Variants in SNX29 observed in about 807,000 individuals in gnomAD.
SNX29 encodes the protein sorting nexin-29.
SNX29 carries 78 observed loss-of-function variants against 102.1 expected under a neutral mutation model. The observed-to-expected ratio is 0.76, with a 90% CI of 0.64 to 0.92. The LOEUF is 0.92. SNX29 is among the 40% of genes least tolerant of loss of function. SNX29 has a pLI of 0.00. For missense variants in SNX29, 1,280 were observed against 1,061.7 expected (o/e 1.21, Z -2.86); for synonymous variants, 580 against 414.5 (o/e 1.40, Z -4.85).
intron 19 of SNX29, among the ~76,000 whole-genome samples, chr16:12,512,613 A>T (rs146112722): frequency 0.012 from 1,755 of 147,574 alleles, 39 homozygotes; most frequent in African/African-American, 0.04. Flanking sequence ...GCAGTACTCG[A>T]GGGAGACGAG....
At chr16:12,062,273 C>A (rs1476937030) in intron 9 of SNX29, among the ~76,000 whole-genome samples, 2 of 151,154 alleles carry the variant, frequency 1.3e-5, no homozygotes, top group East Asian at 3.9e-4. Context: ...CAGCTACTCA[C>A]GAGGCTGAGG....
intron 15 of SNX29, among the ~76,000 whole-genome samples, chr16:12,333,590 C>T (rs1001348153): frequency 1.3e-5 from 2 of 152,086 alleles, no homozygotes; most frequent in South Asian, 2.1e-4. Context: ...CTGTGATGGG[C>T]CTGGTGCTGT....
At chr16:12,309,693 C>T (rs531877915) in intron 15 of SNX29, among the ~76,000 whole-genome samples, 1 of 152,150 alleles carries the variant, frequency 6.6e-6, no homozygotes, top group Non-Finnish European at 1.5e-5. Flanking sequence ...GGTTCTCACT[C>T]GTTACTTGAA....
Position 12,572,914 on chromosome 16 carries a change from C to T in SNX29, c.*4285C>T. Reference sequence around the variant, plus strand: ...GCATTTCGCTCGGAATCACGGCAGACTTGGAGTGTTTCTTCAAGGCAGGCA... The same window carrying T: ...GCATTTCGCTCGGAATCACGGCAGATTTGGAGTGTTTCTTCAAGGCAGGCA... On this transcript the variant is annotated 3_prime_UTR_variant, in exon 21 of 21. Coordinates refer to ENST00000566228, the MANE Select transcript of SNX29 (RefSeq NM_032167.5). 6.1e-6 allele frequency: 6 copies of T among 988,426 alleles called. No homozygotes were observed. Among genetic ancestry groups the T allele is most frequent in the Non-Finnish European group, 7.4e-6 (6 of 810,004 alleles). The allele number at this position is 988,426 out of a possible 1,614,324, so 61.2% of individuals were successfully genotyped here. A position where few individuals can be genotyped will look rare whatever the true frequency, so the allele number is the denominator to read the frequency against.
intron 20 of SNX29, among the ~76,000 whole-genome samples, chr16:12,526,176 TAA>T (rs2076778134): frequency 1.3e-5 from 2 of 152,216 alleles, no homozygotes; most frequent in Non-Finnish European, 2.9e-5. Context: ...TGGGGTAATA[TAA>T]GAGTTTCCTG....
chr16:12,212,438 C>G (rs987553045), intron 14 of SNX29, among the ~76,000 whole-genome samples: 1 of 152,072 alleles, frequency 6.6e-6, no homozygotes, highest in African/African-American at 2.4e-5. Context: ...GGAAGAGGAG[C>G]CTGGGGAAGT....
At chr16:12,051,117 C>T (rs997441145) in intron 7 of SNX29, among the ~76,000 whole-genome samples, 2 of 152,104 alleles carry the variant, frequency 1.3e-5, no homozygotes, top group East Asian at 3.9e-4. Flanking sequence ...TGCTTGAGGC[C>T]AGGAGTTTTG....
intron 20 of SNX29, among the ~76,000 whole-genome samples, chr16:12,562,135 G>A (rs1567206597): frequency 6.6e-6 from 1 of 152,114 alleles, no homozygotes; most frequent in East Asian, 1.9e-4. Context: ...CCCCAAAATG[G>A]CTCTGGCAAT....
At position 11,980,619 on chromosome 16, in the gene SNX29, G is replaced by A. The variant is rs530417839; in HGVS notation, c.7+3806G>A. On this transcript the variant is annotated intron_variant, in intron 1 of 20. Transcript: ENST00000566228. ...TTCTAAAGTGGCTGCACCATTTTCA[G>A]TTCTCACCAGCAGCATATGAGGGTT... 2.1e-3 allele frequency among the ~76,000 whole-genome samples: 317 copies of A among 152,270 alleles called. 3 individuals are homozygous for A. The highest frequency in any genetic ancestry group is 7.4e-3 in the African/African-American group (309 of 41,538).
At chr16:12,040,406 T>C (rs2049831839) in intron 4 of SNX29, among the ~76,000 whole-genome samples, 1 of 152,176 alleles carries the variant, frequency 6.6e-6, no homozygotes, top group Admixed American at 6.5e-5. Context: ...ATATAACAAA[T>C]TTTAAAAATC....
chr16:12,549,091 C>T (rs894242501), intron 20 of SNX29, among the ~76,000 whole-genome samples: 1 of 152,202 alleles, frequency 6.6e-6, no homozygotes, highest in Non-Finnish European at 1.5e-5. Context: ...CTCCCTGTTA[C>T]AGTGTCATTT....
At chr16:12,218,244 A>G (rs2077377132) in intron 14 of SNX29, among the ~76,000 whole-genome samples, 1 of 152,266 alleles carries the variant, frequency 6.6e-6, no homozygotes, top group Non-Finnish European at 1.5e-5. Flanking sequence ...CAAGTCTAGC[A>G]GTGCAGAGGT....
intron 14 of SNX29, among the ~76,000 whole-genome samples, chr16:12,261,137 C>CT (rs2078740502): frequency 1.4e-5 from 1 of 73,750 alleles, no homozygotes; most frequent in Admixed American, 1.5e-4. Flanking sequence ...GTGAGTGGTT[C>CT]CTGAGCTCCA....
chr16:12,190,065 G>C (rs530116670), intron 13 of SNX29, among the ~76,000 whole-genome samples: 71 of 152,278 alleles, frequency 4.7e-4, no homozygotes, highest in African/African-American at 1.3e-3. Flanking sequence ...ACTAATCTCT[G>C]ATAGCTTTGG....
chr16:12,419,049 A>G (rs1189269977), intron 18 of SNX29, among the ~76,000 whole-genome samples: 1 of 152,160 alleles, frequency 6.6e-6, no homozygotes, highest in Non-Finnish European at 1.5e-5. Context: ...AGTGCACAGG[A>G]CATCCCTCCA....
intron 15 of SNX29, among the ~76,000 whole-genome samples, chr16:12,292,378 GT>G (rs2151067179): frequency 6.6e-6 from 1 of 152,326 alleles, no homozygotes; most frequent in Admixed American, 6.5e-5. Context: ...GGATTGGAAA[GT>G]TCTCCCTTTT....
intron 15 of SNX29, among the ~76,000 whole-genome samples, chr16:12,354,806 A>C (rs1231931019): frequency 6.6e-6 from 1 of 152,240 alleles, no homozygotes. Context: ...CAAAAGGAAT[A>C]AGGTAACAAA....
chr16:12,278,291 A>C (rs984442668), intron 15 of SNX29, among the ~76,000 whole-genome samples: 1 of 152,232 alleles, frequency 6.6e-6, no homozygotes, highest in African/African-American at 2.4e-5. Context: ...TATATGTGTA[A>C]CATTAAAAAT....
At chr16:12,505,512 T>G (rs977665295) in intron 19 of SNX29, among the ~76,000 whole-genome samples, 1 of 152,120 alleles carries the variant, frequency 6.6e-6, no homozygotes, top group Non-Finnish European at 1.5e-5. Flanking sequence ...AAAAAACAAA[T>G]CTTATTTTGT....
Sources: gnomAD v4.1 joint callset for allele counts (sites outside exome capture counted in the v4.1 genomes callset) on GRCh38, gnomAD v4.1.1 for gene constraint, MANE v1.5 for transcripts, NCBI Gene and HGNC (gene_info 2026-07-23, HGNC 2026-07-21) for gene names.